IFT43: variants seen among roughly 807,000 people sequenced by gnomAD.
IFT43 encodes intraflagellar transport 43.
IFT43 carries 33 observed loss-of-function variants against 32.3 expected under a neutral mutation model. The observed-to-expected ratio is 1.02, with a 90% confidence interval of 0.77 to 1.37. IFT43 has a LOEUF of 1.37. Among genes scored for constraint, IFT43 ranks in the 40% most tolerant of loss-of-function variants. The pLI, the probability that IFT43 is intolerant of heterozygous loss-of-function variation, is 0.00. For missense variants in IFT43, 274 were observed against 265.9 expected, an observed-to-expected ratio of 1.03 and a Z score of -0.21; for synonymous variants, 93 against 98.2, an observed-to-expected ratio of 0.95 and a Z score of 0.31.
chr14:76,067,179 A>G (rs2037238467), intron 5 of IFT43, among the ~76,000 whole-genome samples: 3 of 152,216 alleles, frequency 2.0e-5, no homozygotes, highest in Admixed American at 2.0e-4. Context: ...GGGAAGATGC[A>G]TGCTCTCTTC....
chr14:76,047,439 A>C (rs1412080081), intron 3 of IFT43, among the ~76,000 whole-genome samples: 3 of 152,154 alleles, frequency 2.0e-5, no homozygotes, highest in African/African-American at 7.2e-5. Flanking sequence ...GGAAATAAAG[A>C]AGTCATATTA....
At chr14:76,079,341 T>C (rs549521240) in intron 5 of IFT43, among the ~76,000 whole-genome samples, 1 of 152,324 alleles carries the variant, frequency 6.6e-6, no homozygotes, top group South Asian at 2.1e-4. Flanking sequence ...ATCGGTGAAG[T>C]CCATAAGAAT....
chr14:76,063,285 A>T (rs1023245052), intron 5 of IFT43, among the ~76,000 whole-genome samples: 3 of 152,168 alleles, frequency 2.0e-5, no homozygotes, highest in Non-Finnish European at 4.4e-5. Context: ...ACCCCCTCTA[A>T]GTCAAGGAGG....
intron 5 of IFT43, 176 bp downstream of exon 5, chr14:76,059,549 T>C (rs918818944): frequency 1.4e-5 from 9 of 661,632 alleles, no homozygotes. Context: ...CTACCTGGAG[T>C]ATCTCTCCCT....
At chr14:76,058,840 C>T in intron 4 of IFT43, 166 bp downstream of exon 4, 1 of 1,539,640 alleles carries the variant, frequency 6.5e-7, no homozygotes, top group Non-Finnish European at 8.7e-7. Flanking sequence ...ATCCCGCTTC[C>T]TCAACTGAAG....
In IFT43 at chr14:76,083,271, G is replaced by A. The variant is rs148085072; in HGVS notation, c.489G>A (p.Pro163=). 8.7e-5 allele frequency: 141 copies of A among 1,613,736 alleles called. No individual in the cohort carries two copies. The highest frequency in any genetic ancestry group is 6.9e-4 in the African/African-American group (52 of 75,020). ...DLKLLTKVLA[P]EHEVREDDVG... ...AACTCCTCACCAAAGTGCTCGCGCC[G>A]GAGCACGAAGTCCGGGAGGTACAGT... Residue 163 remains proline (P), a synonymous_variant, in exon 8 of 9, where the codon CCG becomes CCA. Coordinates refer to ENST00000314067, the MANE Select transcript of IFT43 (RefSeq NM_001102564.3).
intron 3 of IFT43, among the ~76,000 whole-genome samples, chr14:76,042,082 C>G (rs1412658639): frequency 1.3e-5 from 2 of 151,456 alleles, no homozygotes; most frequent in Non-Finnish European, 2.9e-5. Context: ...CGTGTCTTGT[C>G]CAGTCCTTGT....
intron 5 of IFT43, among the ~76,000 whole-genome samples, chr14:76,076,208 G>A (rs762982420): frequency 1.4e-4 from 21 of 152,206 alleles, no homozygotes; most frequent in Non-Finnish European, 2.9e-4. Context: ...AGTAAATGGA[G>A]TGGGGTGGTG....
intron 2 of IFT43, among the ~76,000 whole-genome samples, chr14:76,017,942 T>C (rs1368441357): frequency 6.6e-6 from 1 of 152,102 alleles, no homozygotes; most frequent in East Asian, 1.9e-4. Context: ...CTTCTCTCTT[T>C]TTTCTTGGTT....
At chr14:76,014,636 C>T (rs2036148273) in intron 2 of IFT43, among the ~76,000 whole-genome samples, 1 of 152,058 alleles carries the variant, frequency 6.6e-6, no homozygotes, top group African/African-American at 2.4e-5. Flanking sequence ...AGGACAAGCC[C>T]CACTTTGCCC....
At chr14:76,079,544 G>C (rs2037470814) in intron 5 of IFT43, among the ~76,000 whole-genome samples, 1 of 152,190 alleles carries the variant, frequency 6.6e-6, no homozygotes, top group Non-Finnish European at 1.5e-5. Flanking sequence ...CCTTCCTCCA[G>C]AGCCTGCTTC....
intron 3 of IFT43, among the ~76,000 whole-genome samples, chr14:76,035,420 C>T (rs1024334078): frequency 3.9e-5 from 6 of 152,200 alleles, no homozygotes; most frequent in African/African-American, 1.2e-4. Context: ...GTGCTGGTCC[C>T]GAGGTTATCC....
chr14:76,083,103 G>C (rs898751623), intron 7 of IFT43, 124 bp from the exon 8 acceptor site: 12 of 936,184 alleles, frequency 1.3e-5, no homozygotes, highest in Non-Finnish European at 1.9e-5. Flanking sequence ...TCTTGTGAAG[G>C]CATTCCTGCA....
chr14:76,013,629 G>T, intron 2 of IFT43: 1 of 229,662 alleles, frequency 4.4e-6, no homozygotes, highest in South Asian at 1.0e-4. Flanking sequence ...AAACCAACTA[G>T]ACCTTTAAAA....
intron 2 of IFT43, among the ~76,000 whole-genome samples, chr14:75,997,848 A>T (rs962063389): frequency 6.6e-6 from 1 of 152,196 alleles, no homozygotes; most frequent in African/African-American, 2.4e-5. Context: ...CCCTCCTCTT[A>T]TATTCCCACT....
At chr14:76,024,194 A>G (rs1450625745) in intron 3 of IFT43, among the ~76,000 whole-genome samples, 1 of 152,268 alleles carries the variant, frequency 6.6e-6, no homozygotes, top group Non-Finnish European at 1.5e-5. Flanking sequence ...AATCTCTGTG[A>G]GATCTTCGGC....
In IFT43 at chr14:76,005,497, T is replaced by C. The variant is rs185422307; in HGVS notation, c.147+16520T>C. Among the ~76,000 whole-genome samples, 4 of 152,354 alleles carry C rather than the reference T, an allele frequency of 2.6e-5. No individual in the cohort carries two copies. The East Asian group carries it at 7.7e-4, about 29-fold the overall frequency. On this transcript the variant is annotated intron_variant, in intron 2 of 8. Coordinates refer to ENST00000314067, the MANE Select transcript of IFT43 (RefSeq NM_001102564.3). ...TCTCTACTCAGCTTTTTATTATCCT[T>C]TCAGCAGTTGCTTTTCACTGGGTTT...
intron 5 of IFT43, among the ~76,000 whole-genome samples, chr14:76,063,925 C>T (rs2037185854): frequency 6.6e-6 from 1 of 152,110 alleles, no homozygotes; most frequent in Non-Finnish European, 1.5e-5. Flanking sequence ...TAAGTAAGCT[C>T]CCCAGATGAA....
chr14:75,986,975 C>T (rs1022668964), intron 1 of IFT43, among the ~76,000 whole-genome samples: 3 of 152,174 alleles, frequency 2.0e-5, no homozygotes, highest in Non-Finnish European at 4.4e-5. Context: ...AGCAAAGTTC[C>T]TGCCCTCATG....
Sources: gnomAD v4.1 joint callset for allele counts (sites outside exome capture counted in the v4.1 genomes callset) on GRCh38, gnomAD v4.1.1 for gene constraint, MANE v1.5 for transcripts, NCBI Gene and HGNC (gene_info 2026-07-23, HGNC 2026-07-21) for gene names.